ZBTB38: variants seen among roughly 807,000 people sequenced by gnomAD.
ZBTB38 encodes zinc finger and BTB domain-containing protein 38.
A neutral mutation model predicts 76.8 loss-of-function variants in ZBTB38; 20 were observed. The observed-to-expected ratio is 0.26, with a 90% CI of 0.18 to 0.38. The LOEUF is 0.38. Ranked by LOEUF, ZBTB38 falls within the 10% of genes least tolerant of loss-of-function variation. The probability of loss-of-function intolerance (pLI) is 1.00; values close to 1 mark genes in which losing one functional copy is unlikely to be tolerated. For synonymous variants in ZBTB38, 504 were observed against 544.2 expected (o/e 0.93, Z 1.03); for missense variants, 1,082 against 1,482.3 (o/e 0.73, Z 4.43).
At position 141,447,248 on chromosome 3, in the gene ZBTB38, T is replaced by A. The variant is rs772103098; in HGVS notation, c.*1272T>A. 1 of 152,598 alleles carries A rather than the reference T, an allele frequency of 6.6e-6. No individual in the cohort carries two copies. Among genetic ancestry groups the A allele is most frequent in the Non-Finnish European group, 1.5e-5 (1 of 68,042 alleles). 9.5% of individuals were successfully genotyped at this position (152,598 alleles called of 1,614,324 possible). ...TGATGGCCTTCCTTGCCTAAAACAG[T>A]AGCTTTGTTTTTAGGGGGTGGGAAG... On this transcript the variant is annotated 3_prime_UTR_variant, in exon 6 of 6. Coordinates refer to ENST00000321464, the MANE Select transcript of ZBTB38 (RefSeq NM_001376113.1).
At chr3:141,348,719 C>T (rs1327058824) in intron 1 of ZBTB38, among the ~76,000 whole-genome samples, 1 of 152,152 alleles carries the variant, frequency 6.6e-6, no homozygotes, top group Non-Finnish European at 1.5e-5. Context: ...CTGTATCTGT[C>T]AAGAGCCAAT....
intron 5 of ZBTB38, among the ~76,000 whole-genome samples, chr3:141,425,229 T>A (rs2076166859): frequency 6.6e-6 from 1 of 152,226 alleles, no homozygotes; most frequent in South Asian, 2.1e-4. Context: ...GTAACAATGC[T>A]TTGCGAGTCT....
chr3:141,351,354 T>G (rs1414233077), intron 1 of ZBTB38, among the ~76,000 whole-genome samples: 1 of 151,512 alleles, frequency 6.6e-6, no homozygotes, highest in Non-Finnish European at 1.5e-5. Context: ...TGTAAATGTC[T>G]GGTCCAAGTC....
At chr3:141,374,728 G>C (rs181422287) in intron 2 of ZBTB38, among the ~76,000 whole-genome samples, 111 of 152,160 alleles carry the variant, frequency 7.3e-4, no homozygotes, top group Non-Finnish European at 5.7e-4. Flanking sequence ...TCACTAGATG[G>C]TCTTTGAAAA....
chr3:141,379,084 C>A (rs1225163566), intron 2 of ZBTB38, among the ~76,000 whole-genome samples: 1 of 152,200 alleles, frequency 6.6e-6, no homozygotes, highest in Non-Finnish European at 1.5e-5. Context: ...TGTCTCTGGG[C>A]CTTGTGCCAC....
At chr3:141,432,097 A>T (rs1321552675) in intron 5 of ZBTB38, 1 of 985,340 alleles carries the variant, frequency 1.0e-6, no homozygotes, top group Admixed American at 6.2e-5. Context: ...TGTGTGTGGG[A>T]TGGTACAGCC....
Position 141,408,918 on chromosome 3 carries a change from G to A in ZBTB38, c.-1+4887G>A, listed in dbSNP as rs988604093. ...AAAGAGGATGGAACTGACATTCATG[G>A]AGTTAGGTCTGTACCTTATATGCAT... is the stretch of plus-strand genomic sequence containing the variant. On this transcript the variant is annotated intron_variant, in intron 5 of 5. Transcript: ENST00000321464. 1.8e-4 allele frequency among the ~76,000 whole-genome samples: 27 copies of A among 152,298 alleles called. No individual in the cohort carries two copies. In the East Asian group the frequency reaches 5.2e-3, roughly 29 times the overall value.
intron 1 of ZBTB38, among the ~76,000 whole-genome samples, chr3:141,345,686 G>C (rs953281237): frequency 1.2e-4 from 18 of 152,152 alleles, no homozygotes; most frequent in South Asian, 4.2e-4. Context: ...GCTCAGAAAG[G>C]CTGCTTATGG....
intron 5 of ZBTB38, among the ~76,000 whole-genome samples, chr3:141,422,133 C>G (rs984099597): frequency 1.3e-5 from 2 of 152,226 alleles, no homozygotes; most frequent in East Asian, 3.8e-4. Flanking sequence ...TTACTAAGCC[C>G]ATGACACCTG....
chr3:141,439,380 G>A (rs1251435267), intron 5 of ZBTB38, among the ~76,000 whole-genome samples: 1 of 152,214 alleles, frequency 6.6e-6, no homozygotes, highest in Non-Finnish European at 1.5e-5. Flanking sequence ...GCTGAAAAAT[G>A]TCATGCTTGG....
intron 1 of ZBTB38, among the ~76,000 whole-genome samples, chr3:141,337,082 C>T (rs545411424): frequency 4.0e-4 from 61 of 152,340 alleles, no homozygotes; most frequent in African/African-American, 1.4e-3. Flanking sequence ...TCTAGTCACT[C>T]CCCGCTTCTC....
intron 1 of ZBTB38, among the ~76,000 whole-genome samples, chr3:141,354,896 C>G (rs962781916): frequency 2.6e-5 from 4 of 152,036 alleles, no homozygotes; most frequent in African/African-American, 4.8e-5. Context: ...GATGGAGGGT[C>G]TAGGCCTAAT....
intron 1 of ZBTB38, among the ~76,000 whole-genome samples, chr3:141,355,114 G>A (rs1943623019): frequency 6.6e-6 from 1 of 152,044 alleles, no homozygotes; most frequent in African/African-American, 2.4e-5. Context: ...AGGAAGGAGA[G>A]TTGAGGAAGC....
intron 1 of ZBTB38, among the ~76,000 whole-genome samples, chr3:141,331,702 G>C (rs1235943886): frequency 6.6e-6 from 1 of 152,208 alleles, no homozygotes; most frequent in Non-Finnish European, 1.5e-5. Context: ...GTAAGCTGAG[G>C]CTGAGCCTGA....
intron 1 of ZBTB38, among the ~76,000 whole-genome samples, chr3:141,333,614 AGAGGGTG>A (rs987719190): frequency 3.3e-5 from 5 of 152,156 alleles, no homozygotes; most frequent in Non-Finnish European, 5.9e-5. Flanking sequence ...GGCTGGCTGC[AGAGGGTG>A]GACAAGTAGA....
At chr3:141,335,154 G>A (rs1199023894) in intron 1 of ZBTB38, among the ~76,000 whole-genome samples, 1 of 152,202 alleles carries the variant, frequency 6.6e-6, no homozygotes, top group Non-Finnish European at 1.5e-5. Flanking sequence ...AAGGGTGCTT[G>A]GTTGGAAGGC....
chr3:141,345,784 A>G (rs1266085863), intron 1 of ZBTB38, among the ~76,000 whole-genome samples: 4 of 151,862 alleles, frequency 2.6e-5, no homozygotes, highest in African/African-American at 9.7e-5. Context: ...TTCCAATGCT[A>G]GTTTCCTTCC....
chr3:141,395,940 T>C (rs529294173), intron 4 of ZBTB38, among the ~76,000 whole-genome samples: 1 of 152,366 alleles, frequency 6.6e-6, no homozygotes, highest in East Asian at 1.9e-4. Context: ...TAAAATATGC[T>C]ACTGATGTCT....
intron 1 of ZBTB38, among the ~76,000 whole-genome samples, chr3:141,344,979 C>T (rs1346658361): frequency 6.6e-6 from 1 of 152,146 alleles, no homozygotes; most frequent in Non-Finnish European, 1.5e-5. Flanking sequence ...GCTGTTAATC[C>T]TAGGGAAGAA....
Sources: allele counts gnomAD v4.1 joint callset (sites outside exome capture counted in the v4.1 genomes callset), GRCh38; gene constraint gnomAD v4.1.1; transcripts MANE v1.5; gene names NCBI Gene and HGNC (gene_info 2026-07-23, HGNC 2026-07-21).